Variants in OR6P1 observed in about 807,000 individuals in gnomAD.
The protein encoded by OR6P1 is olfactory receptor 6P1.
A neutral mutation model predicts 6.6 loss-of-function variants in OR6P1; 5 were observed. The ratio of observed to expected loss-of-function variants is 0.76; its 90% confidence interval spans 0.40 to 1.60. The LOEUF (loss-of-function observed/expected upper bound fraction) is 1.60. Among genes scored for constraint, OR6P1 ranks in the 40% most tolerant of loss-of-function variants. The probability of loss-of-function intolerance (pLI) is 0.02; values close to 1 mark genes in which losing one functional copy is unlikely to be tolerated. For synonymous variants in OR6P1, 177 were observed against 149.6 expected, an observed-to-expected ratio of 1.18 and a Z score of -1.33; for missense variants, 451 against 383.0, an observed-to-expected ratio of 1.18 and a Z score of -1.48.
In OR6P1 at chr1:158,562,878, C is replaced by T. The variant is rs189593782; in HGVS notation, c.727G>A (p.Ala243Thr). The T allele has an allele frequency of 1.3e-4, 194 of 1,551,934 alleles. 2 individuals are homozygous for T. In the East Asian group the frequency reaches 4.2e-3, roughly 33 times the overall value. Reference protein sequence around the residue: ...GRHKAFSTCAAHLAVVVIYYS... With the variant: ...GRHKAFSTCATHLAVVVIYYS... ...TAGATAACAACCACTGCCAGATGAGCGGCACAAGTGGAAAAGGCTTTGTGG... is the reference window on the plus strand; with the variant it reads ...TAGATAACAACCACTGCCAGATGAGTGGCACAAGTGGAAAAGGCTTTGTGG... Residue 243 changes from alanine (A) to threonine (T), a missense_variant, in exon 3 of 3, where the codon GCT (alanine) becomes ACT (threonine). Transcript: ENST00000641540.
At chr1:158,568,570 G>T (rs188043054) in intron 1 of OR6P1, among the ~76,000 whole-genome samples, 1 of 152,170 alleles carries the variant, frequency 6.6e-6, no homozygotes, top group East Asian at 1.9e-4. Flanking sequence ...TTTATGGGTT[G>T]GTCTTCTCAG....
chr1:158,564,801 G>C lies in OR6P1; in HGVS notation c.-22-1175C>G, dbSNP rs996797679. The stretch of plus-strand genomic sequence containing the variant: ...TAGCCATGGGAAACTGATGCAACTG[G>C]TGAGGCAGGAAAATGAAAGAGGAAG... On this transcript the variant is annotated intron_variant, in intron 2 of 2. Transcript: ENST00000641540. 5.3e-5 allele frequency among the ~76,000 whole-genome samples: 8 copies of C among 152,316 alleles called. No individual in the cohort carries two copies. In the South Asian group the frequency reaches 1.2e-3, roughly 24 times the overall value.
At chr1:158,567,122 A>G (rs1293026580) in intron 1 of OR6P1, among the ~76,000 whole-genome samples, 5 of 151,054 alleles carry the variant, frequency 3.3e-5, no homozygotes, top group Non-Finnish European at 7.4e-5. Context: ...TAGAATGGCC[A>G]TCATTAAAAA....
rs1256337177 is a variant in OR6P1 at position 158,562,570 on chromosome 1, T to C, written c.*81A>G. ...AAATGTTGGCAAATTATATTTATGT[T>C]CCCTTAAAGCCTATTCTGATTCCTT... On this transcript the variant is annotated 3_prime_UTR_variant, in exon 3 of 3. Coordinates refer to ENST00000641540, the MANE Select transcript of OR6P1 (RefSeq NM_001160325.2). 2.6e-6 allele frequency: 2 copies of C among 757,244 alleles called. No homozygotes were observed. The highest frequency in any genetic ancestry group is 3.6e-5 in the African/African-American group (2 of 56,130). The allele number at this position is 757,244 out of a possible 1,614,324, so 46.9% of individuals were successfully genotyped here. A position where few individuals can be genotyped will look rare whatever the true frequency, so the allele number is the denominator to read the frequency against.
chr1:158,567,912 T>C (rs1648138891), intron 1 of OR6P1, among the ~76,000 whole-genome samples: 1 of 152,092 alleles, frequency 6.6e-6, no homozygotes, highest in Non-Finnish European at 1.5e-5. Flanking sequence ...GTGACTTAGA[T>C]TGTCTGCTGA....
At position 158,563,576 on chromosome 1, in the gene OR6P1, T is replaced by A; in HGVS notation, c.29A>T (p.Glu10Val). Residue 10 changes from glutamate (E) to valine (V), a missense_variant, in exon 3 of 3, where the codon GAG becomes GTG. Glu to Val is a moderately radical substitution (Grantham distance 121). Transcript: ENST00000641540. Reference sequence around the variant, plus strand: ...AGGGAAACCCACCAAGACAAACTCCTCGACATGGCCTCCACTCAAATTTCT... The same window carrying A: ...AGGGAAACCCACCAAGACAAACTCCACGACATGGCCTCCACTCAAATTTCT... Reference protein sequence around the residue: MRNLSGGHVEEFVLVGFPTT... With the variant: MRNLSGGHVVEFVLVGFPTT... The A allele has an allele frequency of 6.5e-7, 1 of 1,547,008 alleles. No homozygotes were observed. The highest frequency in any genetic ancestry group is 8.7e-7 in the Non-Finnish European group (1 of 1,145,790).
rs1470230664 is a variant in OR6P1, at chr1:158,570,436, T to C, written c.-118+6A>G. 6.6e-6 allele frequency: 1 copy of C among 152,224 alleles called. No homozygotes were observed. Among genetic ancestry groups the C allele is most frequent in the Non-Finnish European group, 1.5e-5 (1 of 68,038 alleles). The allele number at this position is 152,224 out of a possible 1,614,324, so 9.4% of individuals were successfully genotyped here. A position where few individuals can be genotyped will look rare whatever the true frequency, so the allele number is the denominator to read the frequency against. ...GGAATGGATGAAGGATTTGAGGGTG[T>C]CTAACCTGAATAAGAACAAAATTTG... On this transcript the variant is annotated splice_donor_region_variant and intron_variant, in intron 1 of 2. Transcript: ENST00000641540.
At position 158,563,361 on chromosome 1, in the gene OR6P1, A is replaced by G; in HGVS notation, c.244T>C (p.Leu82=). The stretch of plus-strand genomic sequence containing the variant: ...CCATCCTGGGTAAGAAAGGCTGCCA[A>G]GAGCCGAGGAATGGTGACATTGATG... ...WYINVTIPRL[L]AAFLTQDGRV... The change falls in exon 3 of 3, where the codon TTG becomes CTG. Residue 82 remains leucine, a synonymous_variant. Coordinates refer to ENST00000641540, the MANE Select transcript of OR6P1 (RefSeq NM_001160325.2). 6.4e-7 allele frequency: 1 copy of G among 1,551,618 alleles called. No homozygotes were observed. Among genetic ancestry groups the G allele is most frequent in the Non-Finnish European group, 8.7e-7 (1 of 1,146,924 alleles).
At chr1:158,567,156 G>A (rs1026472523) in intron 1 of OR6P1, among the ~76,000 whole-genome samples, 1 of 151,358 alleles carries the variant, frequency 6.6e-6, no homozygotes, top group African/African-American at 2.4e-5. Flanking sequence ...AGGTGCTGGA[G>A]AGGATGTGGA....
chr1:158,566,466 A>G (rs1260578172), intron 2 of OR6P1, among the ~76,000 whole-genome samples: 1 of 152,130 alleles, frequency 6.6e-6, no homozygotes, highest in Non-Finnish European at 1.5e-5. Context: ...GATGGCTGGA[A>G]ATTCTCAAGA....
intron 1 of OR6P1, among the ~76,000 whole-genome samples, chr1:158,569,013 C>T (rs1273365155): frequency 6.6e-6 from 1 of 152,056 alleles, no homozygotes; most frequent in African/African-American, 2.4e-5. Flanking sequence ...ACTTTAAGAA[C>T]TTGGAAATTT....
At chr1:158,566,266 T>C (rs1024853062) in intron 2 of OR6P1, among the ~76,000 whole-genome samples, 5 of 152,296 alleles carry the variant, frequency 3.3e-5, no homozygotes, top group African/African-American at 1.2e-4. Flanking sequence ...GGAAGATTTT[T>C]ATTTTTATTT....
Position 158,562,757 on chromosome 1 carries a change from G to A in OR6P1, c.848C>T (p.Pro283Leu), listed in dbSNP as rs779984097. ...IISVLYTIIV[P>L]FFNPAIYCLR... ...GCAGTAGATGGCTGGGTTGAAGAAT[G>A]GTACAATGATAGTGTAGAGCACAGA... Residue 283 changes from proline to leucine, a missense_variant, in exon 3 of 3, where the codon CCA becomes CTA. Physicochemically the swap from Pro to Leu is moderately conservative, Grantham distance 98. Transcript: ENST00000641540. 3.2e-6 allele frequency: 5 copies of A among 1,556,982 alleles called. No homozygotes were observed. In the South Asian group the frequency reaches 5.9e-5, roughly 18 times the overall value.
At chr1:158,564,165 C>A (rs1354625333) in intron 2 of OR6P1, among the ~76,000 whole-genome samples, 3 of 152,132 alleles carry the variant, frequency 2.0e-5, no homozygotes, top group Non-Finnish European at 4.4e-5. Context: ...CAATTCAATA[C>A]AAAGGAGATA....
In OR6P1 at chr1:158,563,390, C is replaced by T. The variant is rs1381747655; in HGVS notation, c.215G>A (p.Trp72Ter). 2 of 1,551,444 alleles carry T rather than the reference C, an allele frequency of 1.3e-6. No individual in the cohort carries two copies. Among genetic ancestry groups the T allele is most frequent in the Non-Finnish European group, 1.7e-6 (2 of 1,146,912 alleles). Reference sequence around the variant, plus strand: ...CCGAGGAATGGTGACATTGATGTACCATAGCTCCAGGAAAGAGAGATGGCC... The same window carrying T: ...CCGAGGAATGGTGACATTGATGTACTATAGCTCCAGGAAAGAGAGATGGCC... The part of the protein sequence containing the change: ...FLGHLSFLEL[W>*]YINVTIPRLL... Residue 72 changes from tryptophan (W) to a stop codon, truncating the protein, a stop_gained, in exon 3 of 3, where the codon TGG (tryptophan) becomes TAG (stop). Transcript: ENST00000641540. LOFTEE classifies it high-confidence loss of function.
rs1441798415 is a variant in OR6P1, at chr1:158,563,057, G to A, written c.548C>T (p.Pro183Leu). The A allele has an allele frequency of 1.9e-6, 3 of 1,551,802 alleles. No individual in the cohort carries two copies. Among genetic ancestry groups the A allele is most frequent in the East Asian group, 4.9e-5 (2 of 40,920 alleles). Residue 183 changes from proline to leucine, a missense_variant, in exon 3 of 3, where the codon CCA becomes CTA. Coordinates refer to ENST00000641540, the MANE Select transcript of OR6P1 (RefSeq NM_001160325.2). ...GTCAGAGCAGGTGAGGTTGAGTAGT[G>A]GGGAAATATCACAGAAAAAGTGGTT... ...IINHFFCDIS[P>L]LLNLTCSDKE...
chr1:158,564,163 T>C (rs369901294), intron 2 of OR6P1, among the ~76,000 whole-genome samples: 1 of 152,198 alleles, frequency 6.6e-6, no homozygotes, highest in Non-Finnish European at 1.5e-5. Flanking sequence ...GACAATTCAA[T>C]ACAAAGGAGA....
intron 2 of OR6P1, among the ~76,000 whole-genome samples, chr1:158,566,218 G>C (rs863347): frequency 0.48 from 73,617 of 151,972 alleles, 17,933 homozygotes; most frequent in East Asian, 0.59. Flanking sequence ...TTGAAGATGA[G>C]AGAATCAGTC....
chr1:158,567,594 T>C lies in OR6P1; in HGVS notation c.-117-736A>G, dbSNP rs551033513. On this transcript the variant is annotated intron_variant, in intron 1 of 2. Transcript: ENST00000641540. Reference sequence around the variant, plus strand: ...TCACTCATAGGTGGGAATTGAACAATGAGAACACATGGACACAGGAAGGGG... The same window carrying C: ...TCACTCATAGGTGGGAATTGAACAACGAGAACACATGGACACAGGAAGGGG... Among the ~76,000 whole-genome samples, 1,145 of 136,126 alleles carry C rather than the reference T, an allele frequency of 8.4e-3. 7 individuals carry two copies. The highest frequency in any genetic ancestry group is 0.02 in the Middle Eastern group (5 of 248). The allele number at this position is 136,126 out of a possible 152,430, so 89.3% of individuals were successfully genotyped here.
Sources: gnomAD v4.1 joint callset for allele counts (sites outside exome capture counted in the v4.1 genomes callset) on GRCh38, gnomAD v4.1.1 for gene constraint, MANE v1.5 for transcripts, NCBI Gene and HGNC (gene_info 2026-07-23, HGNC 2026-07-21) for gene names.